The following SPAG16 variants were observed in gnomAD, a reference collection of about 807,000 sequenced individuals.
SPAG16 encodes the protein sperm associated antigen 16.
Under a neutral mutation model 80.4 loss-of-function variants are expected in SPAG16, and 86 were observed. That is an observed-to-expected ratio of 1.07 (90% CI 0.90 to 1.28). The LOEUF (loss-of-function observed/expected upper bound fraction) is 1.28. SPAG16 is among the 50% of genes most tolerant of loss of function. SPAG16 has a pLI of 0.00. For missense variants in SPAG16, 870 were observed against 765.3 expected (o/e 1.14, Z -1.61); for synonymous variants, 294 against 265.9 (o/e 1.11, Z -1.03).
chr2:213,828,160 C>A (rs1046978195), intron 10 of SPAG16, among the ~76,000 whole-genome samples: 1 of 152,062 alleles, frequency 6.6e-6, no homozygotes, highest in Non-Finnish European at 1.5e-5. Flanking sequence ...CTTAGATTTG[C>A]CCTTTTGAGC....
intron 9 of SPAG16, among the ~76,000 whole-genome samples, chr2:213,417,833 CT>C (rs1376932505): frequency 6.6e-6 from 1 of 151,042 alleles, no homozygotes; most frequent in African/African-American, 2.4e-5. Flanking sequence ...ATTTTTCCTC[CT>C]TTTATAAACA....
At chr2:213,353,613 G>A (rs2065458160) in intron 7 of SPAG16, among the ~76,000 whole-genome samples, 1 of 152,020 alleles carries the variant, frequency 6.6e-6, no homozygotes, top group Non-Finnish European at 1.5e-5. Context: ...TTTCCAACTG[G>A]CCCCACTTGC....
chr2:214,351,419 T>C (rs1456348994), intron 15 of SPAG16, among the ~76,000 whole-genome samples: 10 of 152,048 alleles, frequency 6.6e-5, no homozygotes, highest in Admixed American at 6.5e-4. Flanking sequence ...ACTTAAACAT[T>C]GGCCGGGCGC....
chr2:213,713,694 G>C (rs1453914891), intron 10 of SPAG16, among the ~76,000 whole-genome samples: 1 of 152,172 alleles, frequency 6.6e-6, no homozygotes, highest in Non-Finnish European at 1.5e-5. Context: ...GGGAAAGAAA[G>C]AAGCTGTAAT....
chr2:214,343,265 T>C (rs1182934753), intron 15 of SPAG16, among the ~76,000 whole-genome samples: 1 of 151,822 alleles, frequency 6.6e-6, no homozygotes, highest in Non-Finnish European at 1.5e-5. Context: ...AGAAACAGAG[T>C]TGTACACAAA....
intron 10 of SPAG16, among the ~76,000 whole-genome samples, chr2:213,537,499 A>G (rs2076291703): frequency 6.6e-6 from 1 of 152,008 alleles, no homozygotes; most frequent in Admixed American, 6.6e-5. Flanking sequence ...AAGAATCTCC[A>G]AGGGCTGGTA....
intron 13 of SPAG16, among the ~76,000 whole-genome samples, chr2:214,039,324 G>A (rs1328376970): frequency 6.6e-6 from 1 of 151,988 alleles, no homozygotes; most frequent in Admixed American, 6.5e-5. Context: ...TGTGTCTTTT[G>A]GCTGCATAAA....
At chr2:214,300,101 A>G (rs1340866034) in intron 15 of SPAG16, among the ~76,000 whole-genome samples, 1 of 152,160 alleles carries the variant, frequency 6.6e-6, no homozygotes, top group African/African-American at 2.4e-5. Context: ...ACAGATTTTT[A>G]TTGAACTTAT....
At chr2:213,316,589 T>G (rs1308878673) in intron 4 of SPAG16, among the ~76,000 whole-genome samples, 1 of 152,062 alleles carries the variant, frequency 6.6e-6, no homozygotes, top group African/African-American at 2.4e-5. Flanking sequence ...CATTCTCTCC[T>G]TGGTCACTTA....
At chr2:213,648,255 G>A (rs1454733043) in intron 10 of SPAG16, among the ~76,000 whole-genome samples, 1 of 151,986 alleles carries the variant, frequency 6.6e-6, no homozygotes, top group Non-Finnish European at 1.5e-5. Context: ...TCTAACTTTG[G>A]GAATGACTAC....
chr2:213,627,185 G>A (rs1018254560), intron 10 of SPAG16, among the ~76,000 whole-genome samples: 2 of 152,126 alleles, frequency 1.3e-5, no homozygotes, highest in South Asian at 2.1e-4. Flanking sequence ...GGATAGAAGC[G>A]GGATCCTCAC....
intron 10 of SPAG16, among the ~76,000 whole-genome samples, chr2:213,505,579 A>C (rs181111091): frequency 1.3e-5 from 2 of 152,304 alleles, no homozygotes; most frequent in Non-Finnish European, 2.9e-5. Context: ...AAATTGCTAA[A>C]TAATACATAA....
chr2:214,219,889 G>T (rs2058521448), intron 15 of SPAG16, among the ~76,000 whole-genome samples: 1 of 152,052 alleles, frequency 6.6e-6, no homozygotes, highest in South Asian at 2.1e-4. Flanking sequence ...GATGATGGAA[G>T]TATAGACAGT....
At chr2:213,296,876 A>T in intron 2 of SPAG16, 1 of 335,390 alleles carries the variant, frequency 3.0e-6, no homozygotes, top group Non-Finnish European at 5.5e-6. Flanking sequence ...AGTGAGTTTT[A>T]TTTTTTAATA....
chr2:213,935,171 C>T (rs1410995862), intron 12 of SPAG16, among the ~76,000 whole-genome samples: 5 of 142,474 alleles, frequency 3.5e-5, no homozygotes, highest in Admixed American at 7.3e-5. Context: ...CACTGCACTC[C>T]AGCCTGGGCA....
chr2:213,853,835 G>A (rs1369686402), intron 10 of SPAG16, among the ~76,000 whole-genome samples: 1 of 152,154 alleles, frequency 6.6e-6, no homozygotes, highest in East Asian at 1.9e-4. Context: ...ACATCTTTGA[G>A]GATGATAGTC....
rs73990322 is a variant in SPAG16 at position 213,364,034 on chromosome 2, C to T, written c.763-42C>T. The T allele has an allele frequency of 3.4e-3, 3,275 of 977,454 alleles. 73 individuals are homozygous for T. The African/African-American group carries it at 0.046, about 14-fold the overall frequency. The allele number at this position is 977,454 out of a possible 1,614,324, so 60.5% of individuals were successfully genotyped here. A position where few individuals can be genotyped will look rare whatever the true frequency, so the allele number is the denominator to read the frequency against. On this transcript the variant is annotated intron_variant, in intron 7 of 15. Coordinates refer to ENST00000331683, the MANE Select transcript of SPAG16 (RefSeq NM_024532.5). ...TGTTTTATGTAACCTTTTTAAAAGT[C>T]ATTTAGTGTATAATTTCATTTCTTT...
At chr2:213,850,791 A>G (rs767145354) in intron 10 of SPAG16, among the ~76,000 whole-genome samples, 3 of 152,176 alleles carry the variant, frequency 2.0e-5, no homozygotes, top group Admixed American at 6.5e-5. Context: ...CTTAGGAAAC[A>G]TTATTAGGCT....
intron 15 of SPAG16, among the ~76,000 whole-genome samples, chr2:214,181,471 T>A (rs1453447553): frequency 6.6e-6 from 1 of 151,752 alleles, no homozygotes. Context: ...CAGTCCTTTT[T>A]CTCACTGCCT....
Sources: allele counts gnomAD v4.1 joint callset (sites outside exome capture counted in the v4.1 genomes callset), GRCh38; gene constraint gnomAD v4.1.1; transcripts MANE v1.5; gene names NCBI Gene and HGNC (gene_info 2026-07-23, HGNC 2026-07-21).